Variants in TAF1B observed in about 807,000 individuals in gnomAD.
TAF1B encodes the protein TATA box-binding protein-associated factor RNA polymerase I subunit B.
TAF1B carries 61 observed loss-of-function variants against 83.9 expected under a neutral mutation model. The observed-to-expected ratio is 0.73, with a 90% CI of 0.59 to 0.90. The LOEUF is 0.90. Among genes scored for constraint, TAF1B ranks in the 40% least tolerant of loss-of-function variants. The pLI, the probability that TAF1B is intolerant of heterozygous loss-of-function variation, is 0.00. For missense variants in TAF1B, 625 were observed against 677.0 expected (o/e 0.92, Z 0.85); for synonymous variants, 221 against 224.6 (o/e 0.98, Z 0.14).
At chr2:9,873,382 G>A (rs528116067) in intron 6 of TAF1B, among the ~76,000 whole-genome samples, 1 of 152,272 alleles carries the variant, frequency 6.6e-6, no homozygotes, top group East Asian at 1.9e-4. Flanking sequence ...GCTTCTCAGG[G>A]TCATTCCTAG....
chr2:9,877,446 T>G (rs973523277), intron 7 of TAF1B, among the ~76,000 whole-genome samples: 21 of 152,328 alleles, frequency 1.4e-4, no homozygotes, highest in African/African-American at 5.1e-4. Flanking sequence ...CGTACACTGT[T>G]GGTCAATTGT....
chr2:9,934,143 A>G lies in TAF1B; in HGVS notation c.*159A>G, dbSNP rs1045775556. On this transcript the variant is annotated 3_prime_UTR_variant, in exon 15 of 15. Transcript: ENST00000263663. ...ATCAAGTGTGCTTAGAAAAATGTAT[A>G]TTGTAAAGCAGGTGAGCTTCATTTG... 1 of 601,964 alleles carries G rather than the reference A, an allele frequency of 1.7e-6. No homozygotes were observed. The highest frequency in any genetic ancestry group is 2.8e-6 in the Non-Finnish European group (1 of 356,518). 37.3% of individuals were successfully genotyped at this position (601,964 alleles called of 1,614,324 possible). A position where few individuals can be genotyped will look rare whatever the true frequency, so the allele number is the denominator to read the frequency against.
At position 9,919,595 on chromosome 2, in the gene TAF1B, C is replaced by T; in HGVS notation, c.1343-3C>T. 3.7e-6 allele frequency: 6 copies of T among 1,611,100 alleles called. No individual in the cohort carries two copies. Among genetic ancestry groups the T allele is most frequent in the Non-Finnish European group, 5.1e-6 (6 of 1,178,456 alleles). ...TTTGTTTCCTTTTTTTCTCCGGTTC[C>T]AGAAATGGTGGTGAATCTACAGAAA... On this transcript the variant is annotated splice_region_variant and splice_polypyrimidine_tract_variant and intron_variant, in intron 13 of 14. Transcript: ENST00000263663.
chr2:9,899,493 T>C (rs114679613), intron 8 of TAF1B, among the ~76,000 whole-genome samples: 1 of 152,206 alleles, frequency 6.6e-6, no homozygotes, highest in African/African-American at 2.4e-5. Context: ...CATCCATTCA[T>C]TGGTGTACAT....
At chr2:9,927,324 C>T (rs1666072966) in intron 14 of TAF1B, among the ~76,000 whole-genome samples, 1 of 152,126 alleles carries the variant, frequency 6.6e-6, no homozygotes, top group Admixed American at 6.6e-5. Context: ...AGTGCCACAG[C>T]AAACATACAT....
chr2:9,924,293 G>A (rs975891021), intron 14 of TAF1B, among the ~76,000 whole-genome samples: 4 of 152,016 alleles, frequency 2.6e-5, no homozygotes, highest in Non-Finnish European at 4.4e-5. Flanking sequence ...TTAGCCCCTC[G>A]CTCAGAGCCC....
intron 8 of TAF1B, among the ~76,000 whole-genome samples, chr2:9,888,426 A>G (rs1664744627): frequency 6.6e-6 from 1 of 152,026 alleles, no homozygotes; most frequent in Admixed American, 6.6e-5. Context: ...TTAGATCCCA[A>G]TTTCTGTCTA....
chr2:9,873,620 ATTTTTTTT>A (rs540990898), intron 6 of TAF1B, among the ~76,000 whole-genome samples: 2 of 117,610 alleles, frequency 1.7e-5, no homozygotes, highest in African/African-American at 3.1e-5. Context: ...ATCAAACTGG[ATTTTTTTT>A]TTTTTTTTTT....
chr2:9,862,407 A>G (rs1486037858), intron 5 of TAF1B, among the ~76,000 whole-genome samples: 1 of 152,220 alleles, frequency 6.6e-6, no homozygotes, highest in Non-Finnish European at 1.5e-5. Flanking sequence ...AAAGAATAAA[A>G]GAAACGAACA....
chr2:9,904,773 T>C, intron 8 of TAF1B, 86 bp from the exon 9 acceptor site: 1 of 1,325,968 alleles, frequency 7.5e-7, no homozygotes, highest in Non-Finnish European at 1.0e-6. Context: ...TACTTTTTAA[T>C]AATAGCCATT....
At chr2:9,870,209 C>CA (rs1171093954) in intron 6 of TAF1B, among the ~76,000 whole-genome samples, 1 of 152,072 alleles carries the variant, frequency 6.6e-6, no homozygotes, top group African/African-American at 2.4e-5. Flanking sequence ...GTCCACCAGT[C>CA]ACGGCAGTGG....
chr2:9,908,028 C>CTTTTTTTTTTTTTTTTTTTTTTTTTT (rs57261740), intron 9 of TAF1B, among the ~76,000 whole-genome samples: 1 of 71,754 alleles, frequency 1.4e-5, no homozygotes. Context: ...GATCTTAATT[C>CTTTTTTTTTTTTTTTTTTTTTTTTTT]TTTTTTTTTT....
chr2:9,878,130 A>G (rs1664379965), intron 7 of TAF1B, among the ~76,000 whole-genome samples: 1 of 152,042 alleles, frequency 6.6e-6, no homozygotes, highest in Non-Finnish European at 1.5e-5. Flanking sequence ...GTGAATTCTT[A>G]GACCTATCCT....
intron 8 of TAF1B, among the ~76,000 whole-genome samples, chr2:9,895,813 CTTTTTTTTT>C (rs34044860): frequency 8.9e-6 from 1 of 112,480 alleles, no homozygotes; most frequent in African/African-American, 3.4e-5. Flanking sequence ...GCACTGCACT[CTTTTTTTTT>C]TTTTTTTTTT....
chr2:9,930,587 A>C (rs577913701), intron 14 of TAF1B, among the ~76,000 whole-genome samples: 2 of 152,156 alleles, frequency 1.3e-5, no homozygotes, highest in Non-Finnish European at 2.9e-5. Context: ...ACTTCCAACT[A>C]TGTGGTCAAT....
intron 5 of TAF1B, among the ~76,000 whole-genome samples, chr2:9,859,871 G>A (rs901949944): frequency 3.9e-5 from 6 of 152,098 alleles, no homozygotes; most frequent in Non-Finnish European, 7.3e-5. Context: ...CCAATTTCCT[G>A]TATTAGTTTG....
chr2:9,906,385 G>C (rs1665343870), intron 9 of TAF1B, among the ~76,000 whole-genome samples: 1 of 152,070 alleles, frequency 6.6e-6, no homozygotes, highest in Non-Finnish European at 1.5e-5. Flanking sequence ...TGACTTTTTG[G>C]AGGCAGTATT....
Position 9,910,734 on chromosome 2 carries a change from A to C in TAF1B, c.956-2A>C. 1 of 1,606,100 alleles carries C rather than the reference A, an allele frequency of 6.2e-7. No individual in the cohort carries two copies. Among genetic ancestry groups the C allele is most frequent in the South Asian group, 1.1e-5 (1 of 90,322 alleles). ...TTTACATTTTACTGTTTTGTTCTTC[A>C]GATGAAATGCATAGCTTAACTTGCC... On this transcript the variant is annotated splice_acceptor_variant, in intron 9 of 14. Coordinates refer to ENST00000263663, the MANE Select transcript of TAF1B (RefSeq NM_005680.3). LOFTEE classifies it high-confidence loss of function.
At chr2:9,849,346 T>C in intron 2 of TAF1B, 27 bp from the exon 3 acceptor site, 1 of 1,542,350 alleles carries the variant, frequency 6.5e-7, no homozygotes, top group Non-Finnish European at 8.8e-7. Context: ...ACGATCTTTT[T>C]TAATGGTCTT....
Sources: allele counts gnomAD v4.1 joint callset (sites outside exome capture counted in the v4.1 genomes callset), GRCh38; gene constraint gnomAD v4.1.1; transcripts MANE v1.5; gene names NCBI Gene and HGNC (gene_info 2026-07-23, HGNC 2026-07-21).